The following SLC4A4 variants were observed in gnomAD, a reference collection of about 807,000 sequenced individuals.
The protein encoded by SLC4A4 is electrogenic sodium bicarbonate cotransporter 1.
In SLC4A4, 27 loss-of-function variants were observed where a neutral mutation model predicts 111.5. The ratio of observed to expected loss-of-function variants is 0.24; its 90% CI spans 0.18 to 0.33. The LOEUF (loss-of-function observed/expected upper bound fraction) is 0.33, where lower values mean the gene tolerates loss of function less well. Ranked by LOEUF, SLC4A4 falls within the 10% of genes least tolerant of loss-of-function variation. The probability of loss-of-function intolerance (pLI) is 1.00; values close to 1 mark genes in which losing one functional copy is unlikely to be tolerated. For synonymous variants in SLC4A4, 443 were observed against 463.4 expected (o/e 0.96, Z 0.57); for missense variants, 909 against 1,315.5 (o/e 0.69, Z 4.78).
intron 6 of SLC4A4, among the ~76,000 whole-genome samples, chr4:71,361,912 A>G (rs1032952359): frequency 2.0e-5 from 3 of 152,238 alleles, no homozygotes; most frequent in Admixed American, 6.5e-5. Context: ...GACAAGCATA[A>G]CAACTGCATT....
intron 8 of SLC4A4, among the ~76,000 whole-genome samples, chr4:71,442,659 G>A (rs1201024772): frequency 3.3e-5 from 5 of 152,102 alleles, no homozygotes; most frequent in African/African-American, 9.7e-5. Context: ...CTACTCTATC[G>A]TACTGAAAGG....
At chr4:71,511,904 A>G (rs916873330) in intron 16 of SLC4A4, among the ~76,000 whole-genome samples, 1 of 152,110 alleles carries the variant, frequency 6.6e-6, no homozygotes, top group Non-Finnish European at 1.5e-5. Context: ...CACTAAACAC[A>G]ATGACCTTCG....
At chr4:71,461,532 A>T (rs1221767976) in intron 12 of SLC4A4, among the ~76,000 whole-genome samples, 2 of 152,228 alleles carry the variant, frequency 1.3e-5, no homozygotes, top group African/African-American at 4.8e-5. Flanking sequence ...TTGATGTTTC[A>T]TCATCTTGAA....
intron 7 of SLC4A4, chr4:71,437,548 A>G (rs1011721414): frequency 6.0e-6 from 3 of 499,870 alleles, no homozygotes; most frequent in Admixed American, 4.1e-5. Context: ...GCTGAAAACA[A>G]TGCTTGGCAT....
chr4:71,555,027 G>T, intron 20 of SLC4A4, 113 bp from the exon 21 acceptor site: 1 of 789,192 alleles, frequency 1.3e-6, no homozygotes, highest in Admixed American at 1.8e-5. Context: ...AGGTCACTAA[G>T]TTATTATATC....
Position 71,088,054 on chromosome 4 carries a change from G to T in SLC4A4, c.-64-4676G>T, listed in dbSNP as rs1194454791. ...TGTGGGAGTCTAAGTCTCTTTGTAG[G>T]TCTCTAAGGACTTGCTTTATGAATC... On this transcript the variant is annotated intron_variant, in intron 1 of 26. Transcript: ENST00000649996. 8.6e-5 allele frequency among the ~76,000 whole-genome samples: 13 copies of T among 151,960 alleles called. 2 individuals carry two copies. Among genetic ancestry groups the T allele is most frequent in the African/African-American group, 3.1e-4 (13 of 41,306 alleles).
chr4:71,114,357 C>T (rs1337230068), intron 2 of SLC4A4, among the ~76,000 whole-genome samples: 1 of 150,368 alleles, frequency 6.7e-6, no homozygotes, highest in Non-Finnish European at 1.5e-5. Flanking sequence ...AACTAAAGAG[C>T]TTCTGCACAG....
At chr4:71,102,691 A>T (rs1219967395) in intron 2 of SLC4A4, among the ~76,000 whole-genome samples, 1 of 150,614 alleles carries the variant, frequency 6.6e-6, no homozygotes, top group Non-Finnish European at 1.5e-5. Context: ...GTGAAGGAGA[A>T]ATAAAATCCT....
At chr4:71,222,144 C>A (rs1458877530) in intron 1 of SLC4A4, among the ~76,000 whole-genome samples, 1 of 152,176 alleles carries the variant, frequency 6.6e-6, no homozygotes, top group African/African-American at 2.4e-5. Flanking sequence ...CAGTAGCCTT[C>A]CAGACCCAAA....
intron 7 of SLC4A4, among the ~76,000 whole-genome samples, chr4:71,435,871 C>G (rs1724089729): frequency 6.6e-6 from 1 of 152,148 alleles, no homozygotes; most frequent in Non-Finnish European, 1.5e-5. Context: ...CCATCTCATG[C>G]CAGTTAGAAT....
chr4:71,487,120 T>C, intron 15 of SLC4A4, 102 bp downstream of exon 15: 1 of 712,810 alleles, frequency 1.4e-6, no homozygotes, highest in Non-Finnish European at 2.5e-6. Context: ...TCAGCAATTC[T>C]GGCATGAACA....
intron 2 of SLC4A4, among the ~76,000 whole-genome samples, chr4:71,097,967 GTTGT>G (rs1323444949): frequency 5.3e-5 from 8 of 152,130 alleles, no homozygotes; most frequent in African/African-American, 1.7e-4. Flanking sequence ...CACTCTGTAG[GTTGT>G]TTGTTTACTC....
intron 3 of SLC4A4, among the ~76,000 whole-genome samples, chr4:71,270,716 A>G (rs1275891548): frequency 2.6e-5 from 4 of 152,194 alleles, no homozygotes; most frequent in Non-Finnish European, 4.4e-5. Context: ...TGATGTATCC[A>G]CTGTCCTTAG....
At chr4:71,529,061 G>A (rs372950057) in intron 16 of SLC4A4, among the ~76,000 whole-genome samples, 2 of 152,114 alleles carry the variant, frequency 1.3e-5, no homozygotes, top group East Asian at 3.9e-4. Context: ...GTTAATGTGG[G>A]TAATCAAACA....
chr4:71,371,689 G>A (rs1239035163), intron 6 of SLC4A4, among the ~76,000 whole-genome samples: 1 of 152,020 alleles, frequency 6.6e-6, no homozygotes, highest in East Asian at 1.9e-4. Context: ...GCCTCACAAT[G>A]GAAGATTTAC....
At chr4:71,304,659 T>C (rs2148845548) in intron 3 of SLC4A4, among the ~76,000 whole-genome samples, 1 of 152,316 alleles carries the variant, frequency 6.6e-6, no homozygotes, top group South Asian at 2.1e-4. Flanking sequence ...AAAGGAACTA[T>C]ACCTTAGTGT....
intron 6 of SLC4A4, among the ~76,000 whole-genome samples, chr4:71,381,718 G>A (rs1189065378): frequency 6.6e-6 from 1 of 152,144 alleles, no homozygotes; most frequent in Non-Finnish European, 1.5e-5. Flanking sequence ...AGAGCTACCA[G>A]TTAGACCTTT....
intron 2 of SLC4A4, among the ~76,000 whole-genome samples, chr4:71,178,808 TA>T (rs1227050032): frequency 6.6e-6 from 1 of 152,166 alleles, no homozygotes; most frequent in African/African-American, 2.4e-5. Flanking sequence ...CTTCTGAAAC[TA>T]TTCCAATCAG....
intron 21 of SLC4A4, among the ~76,000 whole-genome samples, chr4:71,556,882 G>A (rs1382122930): frequency 6.6e-6 from 1 of 151,874 alleles, no homozygotes; most frequent in African/African-American, 2.4e-5. Flanking sequence ...AGTTCATATT[G>A]CATGATTATT....
Sources: gnomAD v4.1 joint callset for allele counts (sites outside exome capture counted in the v4.1 genomes callset) on GRCh38, gnomAD v4.1.1 for gene constraint, MANE v1.5 for transcripts, NCBI Gene and HGNC (gene_info 2026-07-23, HGNC 2026-07-21) for gene names.